Variants in CSMD2 observed in about 807,000 individuals in gnomAD.
The protein encoded by CSMD2 is CUB and sushi domain-containing protein 2.
Under a neutral mutation model 398.5 loss-of-function variants are expected in CSMD2, and 130 were observed. The observed-to-expected ratio is 0.33, with a 90% CI of 0.28 to 0.38. CSMD2 has a LOEUF of 0.38. CSMD2 is among the 10% of genes least tolerant of loss of function. CSMD2 has a pLI of 1.00. For missense variants in CSMD2, 3,829 were observed against 4,764.9 expected (o/e 0.80, Z 5.78); for synonymous variants, 1,828 against 1,908.5 (o/e 0.96, Z 1.10).
chr1:34,002,003 A>C (rs972464270), intron 3 of CSMD2, among the ~76,000 whole-genome samples: 3 of 152,224 alleles, frequency 2.0e-5, no homozygotes, highest in Admixed American at 6.5e-5. Flanking sequence ...ATGTCTAATG[A>C]TCTGAAGTTT....
chr1:33,564,727 A>G (rs1000466926), intron 53 of CSMD2, among the ~76,000 whole-genome samples: 2 of 152,180 alleles, frequency 1.3e-5, no homozygotes, highest in Admixed American at 1.3e-4. Flanking sequence ...TGTAACCCTT[A>G]AGAAGTTATT....
chr1:33,974,948 C>T (rs1325253), intron 3 of CSMD2, among the ~76,000 whole-genome samples: 3,497 of 152,286 alleles, frequency 0.023, 131 homozygotes, highest in African/African-American at 0.077. Flanking sequence ...ACTCTATGGA[C>T]GGAACAGCCA....
At position 33,898,064 on chromosome 1, in the gene CSMD2, G is replaced by T. The variant is rs531907098; in HGVS notation, c.920+20030C>A. Among the ~76,000 whole-genome samples, 369 of 152,290 alleles carry T rather than the reference G, an allele frequency of 2.4e-3. 3 individuals carry two copies. Among genetic ancestry groups the T allele is most frequent in the Non-Finnish European group, 4.0e-3 (273 of 68,022 alleles). On this transcript the variant is annotated intron_variant, in intron 5 of 70. Coordinates refer to ENST00000373381, the MANE Select transcript of CSMD2 (RefSeq NM_001281956.2). ...TTAGATTGAGAGAGGAGGACATTGA[G>T]GTTCAGAGAGGTGAAGGGACTTGCC...
rs577844528 is a variant in CSMD2, at chr1:33,934,204, C to CA, written c.712+1555dup. 9.3e-4 allele frequency among the ~76,000 whole-genome samples: 142 copies of CA among 152,276 alleles called. 1 individual carries two copies. Among genetic ancestry groups the CA allele is most frequent in the South Asian group, 2.3e-3 (11 of 4,826 alleles). ...GAACTAAAGGAGGAGCTAGTTATTC[C>CA]AATGACTTCTCAACTCCTGGAAATG... On this transcript the variant is annotated intron_variant, in intron 4 of 70. Coordinates refer to ENST00000373381, the MANE Select transcript of CSMD2 (RefSeq NM_001281956.2).
chr1:33,638,347 G>C (rs1198740041), intron 29 of CSMD2, among the ~76,000 whole-genome samples: 1 of 152,078 alleles, frequency 6.6e-6, no homozygotes, highest in East Asian at 1.9e-4. Context: ...ATTCAAAGTG[G>C]GTTAAATCTT....
At chr1:33,662,274 C>T (rs1382251628) in intron 26 of CSMD2, among the ~76,000 whole-genome samples, 3 of 152,186 alleles carry the variant, frequency 2.0e-5, no homozygotes, top group Non-Finnish European at 2.9e-5. Context: ...AGAACCTGAG[C>T]GTGCAGCATG....
intron 3 of CSMD2, among the ~76,000 whole-genome samples, chr1:33,941,329 A>C (rs922177657): frequency 6.6e-6 from 1 of 152,206 alleles, no homozygotes; most frequent in Non-Finnish European, 1.5e-5. Flanking sequence ...TGGTTCCCTT[A>C]TTATAATGAA....
intron 1 of CSMD2, among the ~76,000 whole-genome samples, chr1:34,136,449 G>A (rs1165589970): frequency 1.3e-5 from 2 of 152,216 alleles, no homozygotes; most frequent in African/African-American, 4.8e-5. Context: ...CATATTTGCA[G>A]ATCAGAGATC....
chr1:33,767,150 ATGAT>A (rs1650613373), intron 13 of CSMD2, among the ~76,000 whole-genome samples: 2 of 152,368 alleles, frequency 1.3e-5, no homozygotes, highest in South Asian at 4.1e-4. Context: ...ATTTTTAAGA[ATGAT>A]AACTATGTAG....
chr1:34,081,401 C>A (rs1657095609), intron 2 of CSMD2, among the ~76,000 whole-genome samples: 1 of 151,900 alleles, frequency 6.6e-6, no homozygotes, highest in Non-Finnish European at 1.5e-5. Flanking sequence ...CGTCCCTCTC[C>A]TTCCCCCTCC....
intron 1 of CSMD2, among the ~76,000 whole-genome samples, chr1:34,120,782 C>T (rs11586499): frequency 0.18 from 27,297 of 152,060 alleles, 2,693 homozygotes; most frequent in South Asian, 0.36. Flanking sequence ...TGATCTCAGG[C>T]GATCTGCCCA....
chr1:33,713,830 T>C (rs1646070546), intron 21 of CSMD2, among the ~76,000 whole-genome samples: 1 of 152,164 alleles, frequency 6.6e-6, no homozygotes, highest in Non-Finnish European at 1.5e-5. Flanking sequence ...AGAGAGGCCT[T>C]TTCTGACCAT....
chr1:33,773,834 T>C (rs1165830649), intron 12 of CSMD2, among the ~76,000 whole-genome samples: 2 of 152,002 alleles, frequency 1.3e-5, no homozygotes, highest in African/African-American at 4.8e-5. Context: ...TTTTGGACAC[T>C]ACCTAGGATT....
intron 2 of CSMD2, among the ~76,000 whole-genome samples, chr1:34,069,248 T>A (rs1435052788): frequency 6.6e-6 from 1 of 151,958 alleles, no homozygotes; most frequent in African/African-American, 2.4e-5. Context: ...TGGGCAAGAA[T>A]TTGCTGAGAC....
intron 1 of CSMD2, among the ~76,000 whole-genome samples, chr1:34,133,962 A>G (rs959276318): frequency 2.0e-5 from 3 of 149,176 alleles, no homozygotes; most frequent in Non-Finnish European, 4.4e-5. Flanking sequence ...CCAGCTACTC[A>G]GGAGGCTGAG....
In CSMD2 at chr1:33,990,902, A is replaced by G. The variant is rs538314130; in HGVS notation, c.517+41692T>C. On this transcript the variant is annotated intron_variant, in intron 3 of 70. Transcript: ENST00000373381. The stretch of plus-strand genomic sequence containing the variant: ...ATAAAAATGAATAATGTTTTAGTGT[A>G]AGTAAATATTGCATGGGTCATACTT... Among the ~76,000 whole-genome samples, 36 of 152,296 alleles carry G rather than the reference A, an allele frequency of 2.4e-4. 1 individual carries two copies. Among genetic ancestry groups the G allele is most frequent in the Middle Eastern group, 3.4e-3 (1 of 294 alleles).
chr1:33,746,472 CCTCCATCA>C (rs1338727095), intron 13 of CSMD2, among the ~76,000 whole-genome samples: 1 of 152,154 alleles, frequency 6.6e-6, no homozygotes, highest in Non-Finnish European at 1.5e-5. Context: ...CCTCTCCCCA[CCTCCATCA>C]CTCTATCAGT....
chr1:33,753,363 A>T (rs1039606527), intron 13 of CSMD2, among the ~76,000 whole-genome samples: 2 of 152,218 alleles, frequency 1.3e-5, no homozygotes, highest in Non-Finnish European at 2.9e-5. Flanking sequence ...TCCAGCTGCA[A>T]CCACAGCTCA....
intron 3 of CSMD2, among the ~76,000 whole-genome samples, chr1:33,950,120 C>CCTAT (rs138951013): frequency 0.025 from 3,756 of 152,158 alleles, 105 homozygotes; most frequent in East Asian, 0.14. Context: ...CAGGCCCTAC[C>CCTAT]CTATCTCAGT....
Sources: allele counts gnomAD v4.1 joint callset (sites outside exome capture counted in the v4.1 genomes callset), GRCh38; gene constraint gnomAD v4.1.1; transcripts MANE v1.5; gene names NCBI Gene and HGNC (gene_info 2026-07-23, HGNC 2026-07-21).